Variants in ATP2C2 observed in about 807,000 individuals in gnomAD.
The protein encoded by ATP2C2 is ATPase secretory pathway Ca2+ transporting 2, also known as calcium-transporting ATPase type 2C member 2.
ATP2C2 carries 171 observed loss-of-function variants against 110.8 expected under a neutral mutation model. That is an observed-to-expected ratio of 1.54 (90% CI 1.36 to 1.75). ATP2C2 has a LOEUF of 1.75. ATP2C2 is among the 40% of genes most tolerant of loss of function. The pLI, the probability that ATP2C2 is intolerant of heterozygous loss-of-function variation, is 0.00. For missense variants in ATP2C2, 1,963 were observed against 1,235.0 expected, an observed-to-expected ratio of 1.59 and a Z score of -8.84; for synonymous variants, 804 against 508.4, an observed-to-expected ratio of 1.58 and a Z score of -7.82.
chr16:84,451,887 C>G, intron 17 of ATP2C2, 34 bp from the exon 18 acceptor site: 1 of 1,588,570 alleles, frequency 6.3e-7, no homozygotes, highest in Non-Finnish European at 8.5e-7. Flanking sequence ...CCTAAGCCCC[C>G]GGTGACCCCT....
At chr16:84,392,491 C>G (rs1004198415) in intron 1 of ATP2C2, among the ~76,000 whole-genome samples, 1 of 152,096 alleles carries the variant, frequency 6.6e-6, no homozygotes, top group Non-Finnish European at 1.5e-5. Flanking sequence ...AGATGGAATT[C>G]TGCTCTTGTT....
chr16:84,385,677 C>A (rs988892960), intron 1 of ATP2C2, among the ~76,000 whole-genome samples: 5 of 152,188 alleles, frequency 3.3e-5, no homozygotes, highest in African/African-American at 1.2e-4. Context: ...CCTCAGGAAA[C>A]TTACAGTCAT....
chr16:84,459,565 G>A (rs748173969), intron 23 of ATP2C2, 179 bp downstream of exon 23: 1 of 1,536,990 alleles, frequency 6.5e-7, no homozygotes, highest in South Asian at 1.2e-5. Context: ...GAAGGCAGAG[G>A]AGAAAGTACC....
At chr16:84,386,759 T>A (rs1314773585) in intron 1 of ATP2C2, among the ~76,000 whole-genome samples, 1 of 152,138 alleles carries the variant, frequency 6.6e-6, no homozygotes, top group Non-Finnish European at 1.5e-5. Context: ...GGTATCATCA[T>A]TCCCATTTTA....
At position 84,442,781 on chromosome 16, in the gene ATP2C2, C is replaced by T. The variant is rs1045874133; in HGVS notation, c.1401+182C>T. ...GGAGGAGGTGAGCTCTGAGATTCCA[C>T]GGGACTTCAGCAAGTTCTGCAGGTC... On this transcript the variant is annotated intron_variant, in intron 15 of 26. Coordinates refer to ENST00000262429, the MANE Select transcript of ATP2C2 (RefSeq NM_014861.4). Among the ~76,000 whole-genome samples, 26 of 152,230 alleles carry T rather than the reference C, an allele frequency of 1.7e-4. No individual in the cohort carries two copies. In the East Asian group the frequency reaches 4.0e-3, roughly 24 times the overall value.
At chr16:84,376,555 C>T (rs1441245707) in intron 1 of ATP2C2, among the ~76,000 whole-genome samples, 1 of 149,222 alleles carries the variant, frequency 6.7e-6, no homozygotes, top group East Asian at 1.9e-4. Flanking sequence ...TTTTTTAGCT[C>T]ATCAGCTATC....
At chr16:84,455,090 C>A in intron 21 of ATP2C2, 106 bp downstream of exon 21, 1 of 1,386,518 alleles carries the variant, frequency 7.2e-7, no homozygotes, top group Non-Finnish European at 9.9e-7. Context: ...CTCGCGGAGT[C>A]CCCAGGGAGA....
chr16:84,415,363 C>A, intron 6 of ATP2C2, 120 bp from the exon 7 acceptor site: 1 of 808,308 alleles, frequency 1.2e-6, no homozygotes. Context: ...CCCAAAGGCA[C>A]AGGGTTGGTG....
At chr16:84,423,334 G>GGCCGTTT in intron 10 of ATP2C2, 71 bp downstream of exon 10, 3 of 1,432,524 alleles carry the variant, frequency 2.1e-6, no homozygotes, top group South Asian at 2.3e-5. Context: ...GGGTTGCCAT[G>GGCCGTTT]GCCGTTTCTC....
intron 7 of ATP2C2, among the ~76,000 whole-genome samples, chr16:84,421,487 G>A (rs933563011): frequency 2.6e-5 from 4 of 152,194 alleles, no homozygotes; most frequent in African/African-American, 9.7e-5. Flanking sequence ...GTTCTCTGGT[G>A]GTTTGTGGAA....
At chr16:84,394,540 G>A (rs184813705) in intron 1 of ATP2C2, among the ~76,000 whole-genome samples, 43 of 152,208 alleles carry the variant, frequency 2.8e-4, no homozygotes, top group African/African-American at 1.0e-3. Flanking sequence ...TATGGTCACC[G>A]AGTACCAAAA....
intron 7 of ATP2C2, 80 bp from the exon 8 acceptor site, chr16:84,422,310 G>A (rs930378215): frequency 3.4e-6 from 5 of 1,489,042 alleles, no homozygotes; most frequent in Non-Finnish European, 4.6e-6. Context: ...CCATGAAGGT[G>A]CTGGTACCAT....
At chr16:84,450,305 G>T (rs1021944179) in intron 17 of ATP2C2, among the ~76,000 whole-genome samples, 4 of 152,162 alleles carry the variant, frequency 2.6e-5, no homozygotes, top group Non-Finnish European at 4.4e-5. Flanking sequence ...GGTGACCGTG[G>T]ACTGATGCCT....
intron 17 of ATP2C2, among the ~76,000 whole-genome samples, chr16:84,450,122 G>T (rs1213326189): frequency 1.3e-5 from 2 of 152,258 alleles, no homozygotes; most frequent in Non-Finnish European, 2.9e-5. Flanking sequence ...AGTGGCGGAG[G>T]AGCAGTGAGA....
intron 10 of ATP2C2, among the ~76,000 whole-genome samples, chr16:84,423,496 C>T (rs948112930): frequency 1.3e-5 from 2 of 152,204 alleles, no homozygotes; most frequent in South Asian, 4.1e-4. Flanking sequence ...ACGCTTGTTC[C>T]TTGCTCACAC....
Position 84,375,934 on chromosome 16 carries a change from G to C in ATP2C2, c.99+7220G>C, listed in dbSNP as rs368842205. Among the ~76,000 whole-genome samples the C allele has an allele frequency of 3.9e-5, 6 of 152,244 alleles. No individual in the cohort carries two copies. In the East Asian group the frequency reaches 7.7e-4, roughly 20 times the overall value. On this transcript the variant is annotated intron_variant, in intron 1 of 26. Transcript: ENST00000262429. ...GAAAGGATTGTGGGTTTTTAGGTCT[G>C]TGTTGCCTTTCTGGGCTCGGTGGGG...
At chr16:84,430,639 CAAAAAA>C (rs566290549) in intron 11 of ATP2C2, among the ~76,000 whole-genome samples, 1 of 123,538 alleles carries the variant, frequency 8.1e-6, no homozygotes. Flanking sequence ...GACACCATCT[CAAAAAA>C]AAAAAAAAAA....
intron 7 of ATP2C2, among the ~76,000 whole-genome samples, chr16:84,419,132 C>T (rs1907094170): frequency 7.0e-6 from 1 of 143,610 alleles, no homozygotes; most frequent in African/African-American, 2.6e-5. Flanking sequence ...TTGCTTGAAC[C>T]TGGGAGGTGG....
At chr16:84,423,462 C>T (rs984663689) in intron 10 of ATP2C2, among the ~76,000 whole-genome samples, 199 bp downstream of exon 10, 2 of 152,206 alleles carry the variant, frequency 1.3e-5, no homozygotes, top group East Asian at 1.9e-4. Flanking sequence ...GCAGCCACTA[C>T]ATTTTCTTGG....
Sources: allele counts gnomAD v4.1 joint callset (sites outside exome capture counted in the v4.1 genomes callset), GRCh38; gene constraint gnomAD v4.1.1; transcripts MANE v1.5; gene names NCBI Gene and HGNC (gene_info 2026-07-23, HGNC 2026-07-21).